The following KALRN variants were observed in gnomAD, a reference collection of about 807,000 sequenced individuals.
The protein encoded by KALRN is kalirin RhoGEF kinase.
Under a neutral mutation model 353.7 loss-of-function variants are expected in KALRN, and 70 were observed. That is an observed-to-expected ratio of 0.20 (90% confidence interval 0.16 to 0.24). KALRN has a LOEUF of 0.24. KALRN is among the 10% of genes least tolerant of loss of function. KALRN has a pLI of 1.00. For synonymous variants in KALRN, 1,391 were observed against 1,434.8 expected (o/e 0.97, Z 0.69); for missense variants, 2,791 against 3,756.7 (o/e 0.74, Z 6.72).
chr3:124,631,857 G>T (rs2080821249), intron 34 of KALRN, among the ~76,000 whole-genome samples: 1 of 152,120 alleles, frequency 6.6e-6, no homozygotes, highest in Admixed American at 6.5e-5. Context: ...CTTTCTTACT[G>T]ATCCCCCCGG....
intron 41 of KALRN, among the ~76,000 whole-genome samples, chr3:124,658,048 G>A (rs906904372): frequency 2.0e-5 from 3 of 152,160 alleles, no homozygotes; most frequent in East Asian, 3.9e-4. Context: ...TAGCCACTTG[G>A]GGGGGCGGAG....
At chr3:124,266,544 C>G (rs2073576041) in intron 4 of KALRN, among the ~76,000 whole-genome samples, 1 of 152,176 alleles carries the variant, frequency 6.6e-6, no homozygotes, top group African/African-American at 2.4e-5. Context: ...AAACTGTTCC[C>G]TTCCTCAGAA....
At chr3:124,442,791 C>T (rs1467462309) in intron 19 of KALRN, among the ~76,000 whole-genome samples, 5 of 152,024 alleles carry the variant, frequency 3.3e-5, no homozygotes, top group Admixed American at 2.0e-4. Context: ...TCAAGACCAG[C>T]CTGGGCAACA....
At chr3:124,533,651 A>G (rs1430658587) in intron 33 of KALRN, among the ~76,000 whole-genome samples, 2 of 152,192 alleles carry the variant, frequency 1.3e-5, no homozygotes, top group African/African-American at 2.4e-5. Context: ...CCTGTGTCAA[A>G]AAAACCAAAA....
intron 1 of KALRN, among the ~76,000 whole-genome samples, chr3:124,154,842 G>A (rs1398350710): frequency 4.6e-5 from 7 of 152,206 alleles, no homozygotes; most frequent in Admixed American, 1.3e-4. Flanking sequence ...GAGGCATCAT[G>A]CTACCTGACT....
intron 1 of KALRN, among the ~76,000 whole-genome samples, chr3:124,047,985 A>G (rs1261748606): frequency 6.6e-6 from 1 of 152,068 alleles, no homozygotes; most frequent in African/African-American, 2.4e-5. Context: ...TCCTATGTGG[A>G]TTCACTCCCT....
At chr3:124,068,756 G>A (rs2042586288) in intron 1 of KALRN, among the ~76,000 whole-genome samples, 1 of 152,096 alleles carries the variant, frequency 6.6e-6, no homozygotes, top group Non-Finnish European at 1.5e-5. Context: ...GAAGCACTGG[G>A]GACATATCAG....
chr3:124,315,413 C>T lies in KALRN; in HGVS notation c.1093-10567C>T, dbSNP rs550663696. Among the ~76,000 whole-genome samples, 134 of 152,324 alleles carry T rather than the reference C, an allele frequency of 8.8e-4. 3 individuals are homozygous for T. Among genetic ancestry groups the T allele is most frequent in the Admixed American group, 8.6e-3 (132 of 15,310 alleles). ...CTCTGAGCTGACCAGCAGGACTTGG[C>T]TGATGACTCAGGTTTCTGACTCATG... On this transcript the variant is annotated intron_variant, in intron 6 of 59. Coordinates refer to ENST00000682506, the MANE Select transcript of KALRN (RefSeq NM_001388419.1).
chr3:124,353,497 G>A (rs558116491), intron 10 of KALRN, among the ~76,000 whole-genome samples: 1 of 152,270 alleles, frequency 6.6e-6, no homozygotes, highest in South Asian at 2.1e-4. Flanking sequence ...AAGAAATTCT[G>A]TGACAAGAAA....
At chr3:124,104,292 A>G (rs1317131201) in intron 1 of KALRN, among the ~76,000 whole-genome samples, 1 of 152,244 alleles carries the variant, frequency 6.6e-6, no homozygotes, top group Non-Finnish European at 1.5e-5. Context: ...TGGAAATACA[A>G]TGCTAAAGAA....
At chr3:124,324,890 G>A (rs923297357) in intron 6 of KALRN, among the ~76,000 whole-genome samples, 5 of 152,224 alleles carry the variant, frequency 3.3e-5, no homozygotes, top group Admixed American at 6.5e-5. Flanking sequence ...GAGAAGATTT[G>A]TAACAAATAA....
intron 51 of KALRN, 119 bp downstream of exon 51, chr3:124,679,636 C>G: frequency 1.2e-6 from 1 of 850,614 alleles, no homozygotes; most frequent in Non-Finnish European, 2.1e-6. Context: ...GTTGGGGCAT[C>G]TCTGGGTATC....
chr3:124,146,874 C>CAAAAAAAAAAAAAAAAAA (rs34633708), intron 1 of KALRN, among the ~76,000 whole-genome samples: 5 of 49,930 alleles, frequency 1.0e-4, no homozygotes, highest in African/African-American at 3.9e-4. Flanking sequence ...GACTCTGTCT[C>CAAAAAAAAAAAAAAAAAA]AAAAAAAAAA....
chr3:124,297,569 C>T (rs144860639), intron 5 of KALRN, among the ~76,000 whole-genome samples: 1 of 152,352 alleles, frequency 6.6e-6, no homozygotes, highest in Non-Finnish European at 1.5e-5. Context: ...TTTTCTCTTC[C>T]CTTCCAGTCC....
intron 13 of KALRN, among the ~76,000 whole-genome samples, chr3:124,406,767 C>T (rs184620119): frequency 6.6e-6 from 1 of 151,748 alleles, no homozygotes; most frequent in East Asian, 1.9e-4. Context: ...TTGAGTTAGA[C>T]TGCCTGGGTT....
chr3:124,456,571 A>G (rs1216707631), intron 22 of KALRN, 39 bp from the exon 23 acceptor site: 21 of 1,464,012 alleles, frequency 1.4e-5, no homozygotes, highest in Non-Finnish European at 2.0e-5. Context: ...GCTTTCCCAA[A>G]GCATCACAAG....
At chr3:124,333,084 G>C (rs894212909) in intron 8 of KALRN, among the ~76,000 whole-genome samples, 1 of 152,192 alleles carries the variant, frequency 6.6e-6, no homozygotes, top group Non-Finnish European at 1.5e-5. Context: ...AGTCAAGAGA[G>C]TGAGTGCAGG....
intron 34 of KALRN, among the ~76,000 whole-genome samples, chr3:124,602,957 G>GTTTTGTTTTGTTTTT (rs2076967913): frequency 7.6e-6 from 1 of 130,754 alleles, no homozygotes; most frequent in Admixed American, 7.4e-5. Context: ...TTTTGTTGTT[G>GTTTTGTTTTGTTTTT]TTTTGTTTTG....
intron 5 of KALRN, among the ~76,000 whole-genome samples, chr3:124,281,589 C>T (rs191164817): frequency 1.2e-3 from 179 of 152,350 alleles, no homozygotes; most frequent in African/African-American, 4.1e-3. Context: ...AAACCCTCCC[C>T]CAGCTGAAGG....
Sources: allele counts gnomAD v4.1 joint callset (sites outside exome capture counted in the v4.1 genomes callset), GRCh38; gene constraint gnomAD v4.1.1; transcripts MANE v1.5; gene names NCBI Gene and HGNC (gene_info 2026-07-23, HGNC 2026-07-21).